The following EYA2 variants were observed in gnomAD, a reference collection of about 807,000 sequenced individuals.
The protein encoded by EYA2 is protein phosphatase EYA2.
EYA2 carries 31 observed loss-of-function variants against 69.2 expected under a neutral mutation model. The observed-to-expected ratio is 0.45, with a 90% CI of 0.34 to 0.60. The LOEUF (loss-of-function observed/expected upper bound fraction) is 0.60, where lower values mean the gene tolerates loss of function less well. EYA2 is among the 20% of genes least tolerant of loss of function. The pLI, the probability that EYA2 is intolerant of heterozygous loss-of-function variation, is 0.02. For missense variants in EYA2, 622 were observed against 701.2 expected (o/e 0.89, Z 1.28); for synonymous variants, 257 against 279.4 (o/e 0.92, Z 0.80).
At chr20:46,919,428 A>G (rs1054975931) in intron 1 of EYA2, among the ~76,000 whole-genome samples, 1 of 152,260 alleles carries the variant, frequency 6.6e-6, no homozygotes, top group African/African-American at 2.4e-5. Context: ...CAGTTTGTCC[A>G]TCAGCACTTG....
chr20:47,016,042 A>G, intron 4 of EYA2, 139 bp from the exon 5 acceptor site: 1 of 695,780 alleles, frequency 1.4e-6, no homozygotes, highest in Middle Eastern at 2.6e-4. Context: ...TTTGGCTGAC[A>G]AGCCACCAGT....
chr20:47,132,305 A>T (rs1322330853), intron 9 of EYA2, among the ~76,000 whole-genome samples: 1 of 152,220 alleles, frequency 6.6e-6, no homozygotes, highest in African/African-American at 2.4e-5. Flanking sequence ...AGTTAATAAT[A>T]ACACAGCTAC....
intron 1 of EYA2, among the ~76,000 whole-genome samples, chr20:46,910,617 C>T (rs79328541): frequency 0.043 from 6,507 of 152,214 alleles, 300 homozygotes; most frequent in East Asian, 0.13. Flanking sequence ...GCACGCATTC[C>T]CAGGCCCCTG....
At chr20:46,991,968 C>CAAAA (rs36163121) in intron 2 of EYA2, among the ~76,000 whole-genome samples, 37,850 of 78,852 alleles carry the variant, frequency 0.48, 10,959 homozygotes, top group Non-Finnish European at 0.59. Flanking sequence ...GACTCCGTCT[C>CAAAA]AAAAAAAAAA....
At chr20:47,080,833 C>G (rs1266207867) in intron 7 of EYA2, among the ~76,000 whole-genome samples, 3 of 152,130 alleles carry the variant, frequency 2.0e-5, no homozygotes, top group African/African-American at 4.8e-5. Context: ...TCAGATCTTG[C>G]GAGACTCGTT....
In EYA2 at chr20:47,188,188, C is replaced by G; in HGVS notation, c.*55C>G. The stretch of plus-strand genomic sequence containing the variant: ...TCACCCTCAGACCCCCTCGCCTTCC[C>G]CACCTCCCCACCGAGAACTCCAGAG... On this transcript the variant is annotated 3_prime_UTR_variant, in exon 16 of 16. Coordinates refer to ENST00000327619, the MANE Select transcript of EYA2 (RefSeq NM_005244.5). 5 of 1,492,580 alleles carry G rather than the reference C, an allele frequency of 3.3e-6. No homozygotes were observed. Among genetic ancestry groups the G allele is most frequent in the Non-Finnish European group, 4.5e-6 (5 of 1,106,398 alleles). The allele number at this position is 1,492,580 out of a possible 1,614,324, so 92.5% of individuals were successfully genotyped here.
At chr20:46,938,649 GAGAGAGGA>G (rs1461324308) in intron 1 of EYA2, among the ~76,000 whole-genome samples, 3 of 152,304 alleles carry the variant, frequency 2.0e-5, no homozygotes, top group Admixed American at 6.5e-5. Flanking sequence ...AGTGGAGAGA[GAGAGAGGA>G]AGAGAGGAAG....
At chr20:47,091,672 G>A (rs914301617) in intron 8 of EYA2, among the ~76,000 whole-genome samples, 1 of 151,694 alleles carries the variant, frequency 6.6e-6, no homozygotes, top group Non-Finnish European at 1.5e-5. Context: ...TTGAGCCCAG[G>A]AGGTAGAGGC....
chr20:47,174,762 A>G (rs536311147), intron 12 of EYA2, among the ~76,000 whole-genome samples: 78 of 152,308 alleles, frequency 5.1e-4, no homozygotes, highest in African/African-American at 1.9e-3. Flanking sequence ...GAAAGCAGAA[A>G]CTGAGATGAC....
intron 10 of EYA2, among the ~76,000 whole-genome samples, chr20:47,165,876 A>T (rs775661446): frequency 2.1e-4 from 32 of 151,748 alleles, no homozygotes; most frequent in Non-Finnish European, 8.8e-5. Flanking sequence ...CTCCCTAAAC[A>T]TCACCATAAC....
At chr20:47,158,884 C>T (rs2034009389) in intron 10 of EYA2, among the ~76,000 whole-genome samples, 1 of 151,744 alleles carries the variant, frequency 6.6e-6, no homozygotes, top group Non-Finnish European at 1.5e-5. Flanking sequence ...TATCAGATCC[C>T]AATGGCCAAA....
chr20:46,988,211 G>T (rs1981422222), intron 1 of EYA2, among the ~76,000 whole-genome samples: 1 of 150,090 alleles, frequency 6.7e-6, no homozygotes, highest in East Asian at 2.0e-4. Context: ...CATGGCGGGG[G>T]GCGGGGGTGG....
At chr20:46,897,880 G>A (rs532425346) in intron 1 of EYA2, among the ~76,000 whole-genome samples, 46 of 152,236 alleles carry the variant, frequency 3.0e-4, no homozygotes, top group Non-Finnish European at 5.6e-4. Context: ...GATGCTTGGG[G>A]GAGAATCAAT....
intron 10 of EYA2, among the ~76,000 whole-genome samples, chr20:47,149,730 G>A (rs956646858): frequency 3.3e-5 from 5 of 150,542 alleles, no homozygotes; most frequent in African/African-American, 4.9e-5. Context: ...GCAGGGTGGC[G>A]TGCACCTGTA....
chr20:47,172,647 C>T, intron 11 of EYA2, 60 bp from the exon 12 acceptor site: 1 of 1,523,446 alleles, frequency 6.6e-7, no homozygotes, highest in Non-Finnish European at 8.8e-7. Context: ...TGTGGTCTCC[C>T]AGGGAAGATG....
intron 1 of EYA2, among the ~76,000 whole-genome samples, chr20:46,927,560 CA>C (rs1465687893): frequency 6.6e-6 from 1 of 152,124 alleles, no homozygotes; most frequent in Non-Finnish European, 1.5e-5. Flanking sequence ...TGGCGGCATG[CA>C]AGAGAGAATG....
chr20:47,143,298 CA>C (rs2033635209), intron 10 of EYA2, 150 bp downstream of exon 10: 5 of 654,758 alleles, frequency 7.6e-6, no homozygotes, highest in South Asian at 4.3e-5. Context: ...TAACAACCCC[CA>C]AAAAGGCCCA....
At chr20:47,011,743 G>C (rs1983071678) in intron 4 of EYA2, among the ~76,000 whole-genome samples, 1 of 152,106 alleles carries the variant, frequency 6.6e-6, no homozygotes, top group African/African-American at 2.4e-5. Flanking sequence ...GGATCACTCT[G>C]TTTGAAATTT....
At chr20:47,163,602 G>T (rs2034117186) in intron 10 of EYA2, among the ~76,000 whole-genome samples, 1 of 150,156 alleles carries the variant, frequency 6.7e-6, no homozygotes. Context: ...GAAGGCTGAG[G>T]CAGGAGAATT....
Sources: allele counts gnomAD v4.1 joint callset (sites outside exome capture counted in the v4.1 genomes callset), GRCh38; gene constraint gnomAD v4.1.1; transcripts MANE v1.5; gene names NCBI Gene and HGNC (gene_info 2026-07-23, HGNC 2026-07-21).